The following MYO16 variants were observed in gnomAD, a reference collection of about 807,000 sequenced individuals.
MYO16 encodes unconventional myosin-XVI.
A neutral mutation model predicts 205.3 loss-of-function variants in MYO16; 94 were observed. The ratio of observed to expected loss-of-function variants is 0.46; its 90% CI spans 0.39 to 0.54. MYO16 has a LOEUF of 0.54. Ranked by LOEUF, MYO16 falls within the 20% of genes least tolerant of loss-of-function variation. The pLI, the probability that MYO16 is intolerant of heterozygous loss-of-function variation, is 0.00. For missense variants in MYO16, 2,315 were observed against 2,387.5 expected, an observed-to-expected ratio of 0.97 and a Z score of 0.63; for synonymous variants, 988 against 954.0, an observed-to-expected ratio of 1.04 and a Z score of -0.66.
intron 4 of MYO16, among the ~76,000 whole-genome samples, chr13:108,777,554 T>C (rs1397005075): frequency 6.6e-6 from 1 of 152,050 alleles, no homozygotes; most frequent in Non-Finnish European, 1.5e-5. Flanking sequence ...ATCAGGAAGC[T>C]ATTGGCTAAG....
chr13:108,746,510 G>T (rs2060075), intron 4 of MYO16, among the ~76,000 whole-genome samples: 1 of 151,748 alleles, frequency 6.6e-6, no homozygotes, highest in Admixed American at 6.6e-5. Context: ...ATATCAAAAT[G>T]GCTAGAAGAT....
chr13:108,734,822 T>C (rs1315758537), intron 4 of MYO16, among the ~76,000 whole-genome samples: 1 of 152,238 alleles, frequency 6.6e-6, no homozygotes, highest in Non-Finnish European at 1.5e-5. Context: ...GCAGGGCCTC[T>C]TGCTCTTCAC....
intron 23 of MYO16, among the ~76,000 whole-genome samples, chr13:109,023,112 T>C (rs1450564916): frequency 2.3e-5 from 3 of 132,290 alleles, no homozygotes; most frequent in South Asian, 4.6e-4. Context: ...ATATTGTATA[T>C]ACATATAACA....
Position 108,736,011 on chromosome 13 carries a change from T to C in MYO16, c.507+8428T>C, listed in dbSNP as rs568636810. ...GGTTGTTTGTTTTTTTTCTTGTAAA[T>C]TTGTTTGAGTTCTTTGTAGATCCTG... On this transcript the variant is annotated intron_variant, in intron 4 of 34. Transcript: ENST00000457511. Among the ~76,000 whole-genome samples, 230 of 152,198 alleles carry C rather than the reference T, an allele frequency of 1.5e-3. 4 individuals carry two copies. The East Asian group carries it at 0.039, about 26-fold the overall frequency.
At chr13:108,846,381 T>C (rs975748348) in intron 10 of MYO16, among the ~76,000 whole-genome samples, 1 of 152,252 alleles carries the variant, frequency 6.6e-6, no homozygotes, top group South Asian at 2.1e-4. Flanking sequence ...GAAGCCACTT[T>C]GAATAAAGTC....
chr13:108,875,285 T>C (rs1879271206), intron 12 of MYO16, among the ~76,000 whole-genome samples: 1 of 152,118 alleles, frequency 6.6e-6, no homozygotes, highest in South Asian at 2.1e-4. Context: ...GCCCTGATGA[T>C]ATTCGCTGGA....
At chr13:109,084,741 T>G (rs1243318461) in intron 27 of MYO16, among the ~76,000 whole-genome samples, 1 of 152,116 alleles carries the variant, frequency 6.6e-6, no homozygotes, top group East Asian at 1.9e-4. Flanking sequence ...TTCCTTCCTT[T>G]TTTTTTATTC....
intron 20 of MYO16, among the ~76,000 whole-genome samples, chr13:108,971,364 TATATATATATAC>T (rs1353843835): frequency 6.7e-6 from 1 of 149,610 alleles, no homozygotes; most frequent in East Asian, 2.0e-4. Context: ...TATATATATA[TATATATATATAC>T]ACATATAATC....
the MYO16 span, among the ~76,000 whole-genome samples, chr13:108,520,869 A>G: frequency 2.6e-5 from 4 of 152,180 alleles, no homozygotes; most frequent in South Asian, 2.1e-4. Flanking sequence ...CTTCTGAGTC[A>G]GTAGAGGATT....
intron 3 of MYO16, among the ~76,000 whole-genome samples, chr13:108,720,244 C>T (rs546053655): frequency 2.6e-5 from 4 of 152,020 alleles, no homozygotes; most frequent in Non-Finnish European, 5.9e-5. Context: ...GAGAAGTGGA[C>T]GAGAGTTTGC....
At chr13:108,717,034 C>A (rs1883969796) in intron 3 of MYO16, among the ~76,000 whole-genome samples, 1 of 151,596 alleles carries the variant, frequency 6.6e-6, no homozygotes, top group Admixed American at 6.6e-5. Flanking sequence ...CAGTTGGTCT[C>A]ATGAGGCCAG....
At chr13:109,115,540 A>C (rs2139748472) in intron 28 of MYO16, among the ~76,000 whole-genome samples, 1 of 152,328 alleles carries the variant, frequency 6.6e-6, no homozygotes, top group South Asian at 2.1e-4. Flanking sequence ...TCTGCTAGTG[A>C]GAAACATTCT....
chr13:109,111,365 C>T (rs959495820), intron 28 of MYO16, among the ~76,000 whole-genome samples: 1 of 152,108 alleles, frequency 6.6e-6, no homozygotes, highest in Non-Finnish European at 1.5e-5. Context: ...GTTCATATCA[C>T]CATCAATAAA....
chr13:108,920,335 C>T (rs185045511), intron 16 of MYO16, among the ~76,000 whole-genome samples: 3 of 151,152 alleles, frequency 2.0e-5, no homozygotes, highest in Admixed American at 6.6e-5. Flanking sequence ...TCTTTCCCTC[C>T]CTTCTTTTTC....
chr13:108,877,129 T>A (rs1301449077), intron 12 of MYO16, among the ~76,000 whole-genome samples: 1 of 152,230 alleles, frequency 6.6e-6, no homozygotes, highest in African/African-American at 2.4e-5. Flanking sequence ...ATTATAGACT[T>A]TTAACTTATT....
At chr13:109,177,595 T>C (rs1879263083) in intron 33 of MYO16, among the ~76,000 whole-genome samples, 1 of 152,154 alleles carries the variant, frequency 6.6e-6, no homozygotes, top group Non-Finnish European at 1.5e-5. Flanking sequence ...CTTGGCTCAC[T>C]GCAACTCTCC....
At chr13:108,758,565 C>G (rs925710042) in intron 4 of MYO16, among the ~76,000 whole-genome samples, 3 of 152,158 alleles carry the variant, frequency 2.0e-5, no homozygotes, top group Admixed American at 2.0e-4. Flanking sequence ...AAATGCTGGT[C>G]TTTCAATTTC....
intron 32 of MYO16, among the ~76,000 whole-genome samples, chr13:109,157,226 G>T (rs1299443081): frequency 9.3e-6 from 1 of 107,518 alleles, no homozygotes; most frequent in African/African-American, 3.8e-5. Flanking sequence ...TACTTTCTTT[G>T]CTAGATTAGT....
intron 27 of MYO16, among the ~76,000 whole-genome samples, chr13:109,073,664 T>C (rs1184316595): frequency 6.6e-6 from 1 of 152,190 alleles, no homozygotes; most frequent in East Asian, 1.9e-4. Context: ...GTATTATCAA[T>C]TTTTTCTGAA....
Sources: allele counts gnomAD v4.1 joint callset (sites outside exome capture counted in the v4.1 genomes callset), GRCh38; gene constraint gnomAD v4.1.1; transcripts MANE v1.5; gene names NCBI Gene and HGNC (gene_info 2026-07-23, HGNC 2026-07-21).